STPG4: variants seen among roughly 807,000 people sequenced by gnomAD.
STPG4 encodes the protein protein STPG4.
Under a neutral mutation model 31.5 loss-of-function variants are expected in STPG4, and 41 were observed. The ratio of observed to expected loss-of-function variants is 1.30; its 90% CI spans 1.01 to 1.69. The LOEUF is 1.69. Among genes scored for constraint, STPG4 ranks in the 40% most tolerant of loss-of-function variants. The pLI, the probability that STPG4 is intolerant of heterozygous loss-of-function variation, is 0.00. For missense variants in STPG4, 375 were observed against 293.4 expected (o/e 1.28, Z -2.03); for synonymous variants, 141 against 103.0 (o/e 1.37, Z -2.24).
chr2:47,106,250 A>G (rs764315063), intron 5 of STPG4, among the ~76,000 whole-genome samples: 3 of 151,950 alleles, frequency 2.0e-5, no homozygotes, highest in African/African-American at 7.3e-5. Flanking sequence ...ACATTGACCT[A>G]TATCTGCCTC....
At chr2:47,117,145 T>A (rs2103762593) in intron 5 of STPG4, among the ~76,000 whole-genome samples, 1 of 152,288 alleles carries the variant, frequency 6.6e-6, no homozygotes, top group African/African-American at 2.4e-5. Flanking sequence ...CTGGGAAGCT[T>A]ATCAAGCAAA....
intron 5 of STPG4, among the ~76,000 whole-genome samples, chr2:47,107,623 T>A (rs1276854799): frequency 5.9e-5 from 9 of 152,120 alleles, no homozygotes; most frequent in African/African-American, 1.9e-4. Context: ...CCCTGCTCCA[T>A]GGCACCCAGT....
At chr2:47,113,264 C>G (rs1164173696) in intron 5 of STPG4, among the ~76,000 whole-genome samples, 1 of 152,120 alleles carries the variant, frequency 6.6e-6, no homozygotes, top group African/African-American at 2.4e-5. Context: ...AGATTTTAAA[C>G]TTCTGTATAA....
intron 5 of STPG4, among the ~76,000 whole-genome samples, chr2:47,102,166 G>C (rs1573154912): frequency 7.3e-6 from 1 of 136,134 alleles, no homozygotes; most frequent in East Asian, 1.9e-4. Flanking sequence ...CAGGTTCTTG[G>C]GCAGGGGTTG....
intron 5 of STPG4, among the ~76,000 whole-genome samples, chr2:47,117,799 G>C (rs1433950996): frequency 6.6e-6 from 1 of 152,194 alleles, no homozygotes; most frequent in Non-Finnish European, 1.5e-5. Context: ...TTCTGGAACA[G>C]ATGAAAGAAC....
intron 5 of STPG4, among the ~76,000 whole-genome samples, chr2:47,099,328 CCT>C (rs1685739798): frequency 1.3e-5 from 2 of 152,214 alleles, no homozygotes; most frequent in Non-Finnish European, 2.9e-5. Flanking sequence ...TGCCCTGAAC[CCT>C]CTCCTCCCAC....
intron 5 of STPG4, among the ~76,000 whole-genome samples, chr2:47,126,533 C>T (rs1441158366): frequency 2.0e-5 from 3 of 152,076 alleles, no homozygotes; most frequent in East Asian, 3.9e-4. Context: ...CTCTATGTTG[C>T]CTAGGCTGGT....
intron 3 of STPG4, among the ~76,000 whole-genome samples, chr2:47,137,952 T>C (rs997860233): frequency 2.6e-5 from 4 of 152,160 alleles, no homozygotes; most frequent in African/African-American, 7.2e-5. Context: ...TCTCTATTGA[T>C]TTTCTGTTTT....
At chr2:47,110,273 A>G (rs757731488) in intron 5 of STPG4, among the ~76,000 whole-genome samples, 2 of 152,200 alleles carry the variant, frequency 1.3e-5, no homozygotes, top group Non-Finnish European at 2.9e-5. Flanking sequence ...TCTTTTCCTC[A>G]AACACTGCCT....
Position 47,124,574 on chromosome 2 carries a change from T to C in STPG4, c.519+5367A>G, listed in dbSNP as rs75842124. Among the ~76,000 whole-genome samples, 12 of 152,274 alleles carry C rather than the reference T, an allele frequency of 7.9e-5. No individual in the cohort carries two copies. In the East Asian group the frequency reaches 2.3e-3, roughly 29 times the overall value. On this transcript the variant is annotated intron_variant, in intron 5 of 6. Coordinates refer to ENST00000445927, the MANE Select transcript of STPG4 (RefSeq NM_001163561.2). ...TTTCACTTAACATAATGACCTCCAG[T>C]TCTGTTCATGTTATTGCAAATAGGA...
intron 3 of STPG4, among the ~76,000 whole-genome samples, chr2:47,138,955 G>C (rs759304851): frequency 3.9e-5 from 6 of 152,210 alleles, no homozygotes; most frequent in Non-Finnish European, 7.3e-5. Context: ...AATGTGCTGG[G>C]ATTACAGGTG....
At position 47,117,239 on chromosome 2, in the gene STPG4, C is replaced by T. The variant is rs564204925; in HGVS notation, c.519+12702G>A. Reference sequence around the variant, plus strand: ...TTTTTGTTTTTTTGAGAAGGACTTTCGCTCTTGTTGCCCAGGCCAGAGTGC... The same window carrying T: ...TTTTTGTTTTTTTGAGAAGGACTTTTGCTCTTGTTGCCCAGGCCAGAGTGC... On this transcript the variant is annotated intron_variant, in intron 5 of 6. Transcript: ENST00000445927. Among the ~76,000 whole-genome samples, 11 of 152,232 alleles carry T rather than the reference C, an allele frequency of 7.2e-5. No individual in the cohort carries two copies. In the East Asian group the frequency reaches 1.4e-3, roughly 19 times the overall value.
chr2:47,123,191 A>G (rs896444473), intron 5 of STPG4, among the ~76,000 whole-genome samples: 1 of 152,166 alleles, frequency 6.6e-6, no homozygotes, highest in Non-Finnish European at 1.5e-5. Flanking sequence ...CATCCTACTG[A>G]CTAGCTATTT....
chr2:47,140,191 T>TGA (rs1412428670), intron 3 of STPG4, among the ~76,000 whole-genome samples: 3 of 152,182 alleles, frequency 2.0e-5, no homozygotes, highest in Non-Finnish European at 4.4e-5. Flanking sequence ...CACCCTTAGG[T>TGA]GGCACAGGAT....
intron 5 of STPG4, among the ~76,000 whole-genome samples, chr2:47,112,591 A>G (rs1182559972): frequency 6.6e-6 from 1 of 152,178 alleles, no homozygotes; most frequent in East Asian, 1.9e-4. Context: ...CTCATTCTCA[A>G]AAGTATTTGA....
intron 5 of STPG4, among the ~76,000 whole-genome samples, chr2:47,097,830 C>A (rs1685702803): frequency 6.6e-6 from 1 of 152,042 alleles, no homozygotes; most frequent in Non-Finnish European, 1.5e-5. Context: ...AAAAAATGCA[C>A]TGAGGGGCTG....
intron 3 of STPG4, among the ~76,000 whole-genome samples, chr2:47,142,904 C>T (rs1686744544): frequency 1.6e-5 from 2 of 125,592 alleles, no homozygotes; most frequent in African/African-American, 6.1e-5. Context: ...AGTGCAGTGG[C>T]GCGATCTTGG....
intron 5 of STPG4, among the ~76,000 whole-genome samples, chr2:47,095,866 C>T (rs1409714012): frequency 6.6e-6 from 1 of 152,122 alleles, no homozygotes; most frequent in Non-Finnish European, 1.5e-5. Context: ...CAAGGGGAAG[C>T]CTTCAGGAGA....
chr2:47,118,292 G>A lies in STPG4; in HGVS notation c.519+11649C>T, dbSNP rs144680249. Among the ~76,000 whole-genome samples, 725 of 152,198 alleles carry A rather than the reference G, an allele frequency of 4.8e-3. 25 individuals are homozygous for A. The highest frequency in any genetic ancestry group is 0.044 in the Admixed American group (677 of 15,280). On this transcript the variant is annotated intron_variant, in intron 5 of 6. Coordinates refer to ENST00000445927, the MANE Select transcript of STPG4 (RefSeq NM_001163561.2). ...AGGAGCAGGAACCCTATTGTGAACC[G>A]CACATGCAAGGGATCTAGGTTGTGC...
Sources: gnomAD v4.1 joint callset for allele counts (sites outside exome capture counted in the v4.1 genomes callset) on GRCh38, gnomAD v4.1.1 for gene constraint, MANE v1.5 for transcripts, NCBI Gene and HGNC (gene_info 2026-07-23, HGNC 2026-07-21) for gene names.